The following GPC6 variants were observed in gnomAD, a reference collection of about 807,000 sequenced individuals.
GPC6 encodes glypican-6.
In GPC6, 14 loss-of-function variants were observed where a neutral mutation model predicts 55.2. That is an observed-to-expected ratio of 0.25 (90% CI 0.17 to 0.40). The LOEUF (loss-of-function observed/expected upper bound fraction) is 0.40, where lower values mean the gene tolerates loss of function less well. Ranked by LOEUF, GPC6 falls within the 10% of genes least tolerant of loss-of-function variation. The probability of loss-of-function intolerance (pLI) is 1.00; values close to 1 mark genes in which losing one functional copy is unlikely to be tolerated. For missense variants in GPC6, 641 were observed against 708.5 expected (o/e 0.90, Z 1.08); for synonymous variants, 278 against 259.6 (o/e 1.07, Z -0.68).
intron 6 of GPC6, among the ~76,000 whole-genome samples, chr13:94,370,829 C>T (rs1008261472): frequency 1.3e-5 from 2 of 152,090 alleles, no homozygotes; most frequent in Non-Finnish European, 2.9e-5. Flanking sequence ...TTCAGTACCT[C>T]ATGAAATTTA....
chr13:93,622,135 T>C (rs1878981774), intron 2 of GPC6, among the ~76,000 whole-genome samples: 1 of 152,180 alleles, frequency 6.6e-6, no homozygotes, highest in African/African-American at 2.4e-5. Flanking sequence ...AGCTACACTC[T>C]TATATAAACC....
chr13:93,510,365 C>T (rs924152880), intron 1 of GPC6, among the ~76,000 whole-genome samples: 4 of 152,018 alleles, frequency 2.6e-5, no homozygotes, highest in Non-Finnish European at 5.9e-5. Flanking sequence ...CCACTCTCTA[C>T]CTCCATGTGA....
chr13:93,522,729 G>A (rs752791215), intron 1 of GPC6, among the ~76,000 whole-genome samples: 3 of 151,830 alleles, frequency 2.0e-5, no homozygotes, highest in East Asian at 1.9e-4. Flanking sequence ...ATTCCTTCCC[G>A]CTGCTCTGCA....
intron 4 of GPC6, among the ~76,000 whole-genome samples, chr13:94,135,431 T>A (rs1887152060): frequency 6.6e-6 from 1 of 152,196 alleles, no homozygotes; most frequent in Non-Finnish European, 1.5e-5. Context: ...CTTGCTTGTG[T>A]TATCTTAATT....
At chr13:93,267,361 G>C (rs1289396316) in intron 1 of GPC6, among the ~76,000 whole-genome samples, 1 of 151,074 alleles carries the variant, frequency 6.6e-6, no homozygotes, top group Non-Finnish European at 1.5e-5. Context: ...TGATCTCTTG[G>C]ATCACTCATT....
At chr13:93,935,257 C>T (rs537734995) in intron 3 of GPC6, among the ~76,000 whole-genome samples, 34 of 152,214 alleles carry the variant, frequency 2.2e-4, no homozygotes, top group African/African-American at 7.7e-4. Flanking sequence ...CAACCCTTGG[C>T]CCCCTCCCAT....
chr13:93,370,690 A>G (rs1881415762), intron 1 of GPC6, among the ~76,000 whole-genome samples: 1 of 152,166 alleles, frequency 6.6e-6, no homozygotes, highest in Non-Finnish European at 1.5e-5. Flanking sequence ...CCTGCCACAT[A>G]CAGCAGGCAA....
At chr13:93,359,771 G>C (rs751152345) in intron 1 of GPC6, among the ~76,000 whole-genome samples, 30 of 152,038 alleles carry the variant, frequency 2.0e-4, no homozygotes, top group Non-Finnish European at 3.4e-4. Flanking sequence ...AGGAAGGCAA[G>C]GTAAGTCTGC....
chr13:93,672,639 G>T (rs962732936), intron 2 of GPC6, among the ~76,000 whole-genome samples: 5 of 140,138 alleles, frequency 3.6e-5, no homozygotes, highest in African/African-American at 1.0e-4. Flanking sequence ...CTCAGTGTCT[G>T]ATATATATAT....
intron 1 of GPC6, among the ~76,000 whole-genome samples, chr13:93,277,088 C>A (rs942200251): frequency 6.6e-6 from 1 of 152,104 alleles, no homozygotes; most frequent in Admixed American, 6.5e-5. Context: ...AAAATTGTCT[C>A]CCTGTTACAT....
intron 2 of GPC6, among the ~76,000 whole-genome samples, chr13:93,654,569 C>A (rs894424259): frequency 1.3e-5 from 2 of 152,084 alleles, no homozygotes; most frequent in African/African-American, 2.4e-5. Context: ...CTCAGGTGAT[C>A]CACCCGCCTC....
rs185344471 is a variant in GPC6, at chr13:93,558,825, C to T, written c.319+13404C>T. 1.0e-3 allele frequency among the ~76,000 whole-genome samples: 156 copies of T among 152,148 alleles called. 1 individual carries two copies. The highest frequency in any genetic ancestry group is 3.5e-3 in the African/African-American group (145 of 41,512). ...TAATTGATGGCTGACAGCAGGCATG[C>T]GGTTTAGAGAGCAAAATATGCTCAA... is the stretch of plus-strand genomic sequence containing the variant. On this transcript the variant is annotated intron_variant, in intron 2 of 8. Coordinates refer to ENST00000377047, the MANE Select transcript of GPC6 (RefSeq NM_005708.5).
At chr13:93,368,673 G>T (rs1422438687) in intron 1 of GPC6, among the ~76,000 whole-genome samples, 1 of 152,052 alleles carries the variant, frequency 6.6e-6, no homozygotes, top group South Asian at 2.1e-4. Context: ...CAGGTTACTG[G>T]TAGTATACTT....
intron 6 of GPC6, among the ~76,000 whole-genome samples, chr13:94,378,228 A>G (rs1489315742): frequency 2.6e-5 from 4 of 152,046 alleles, no homozygotes; most frequent in African/African-American, 9.7e-5. Context: ...ATAATATCTC[A>G]TCACTGGATG....
chr13:94,271,382 G>GCGCGCGCGCACA (rs1491286473), intron 4 of GPC6, among the ~76,000 whole-genome samples: 6 of 126,684 alleles, frequency 4.7e-5, no homozygotes, highest in Non-Finnish European at 1.0e-4. Context: ...GCGCGCGCGC[G>GCGCGCGCGCACA]CACACACACA....
chr13:94,383,174 C>T (rs760260791), intron 7 of GPC6, among the ~76,000 whole-genome samples: 3 of 152,104 alleles, frequency 2.0e-5, no homozygotes, highest in African/African-American at 4.8e-5. Flanking sequence ...AGCCCAGAAA[C>T]GGGCTTGGCC....
chr13:94,373,273 G>A (rs1472202245), intron 6 of GPC6, among the ~76,000 whole-genome samples: 14 of 151,850 alleles, frequency 9.2e-5, no homozygotes, highest in Admixed American at 2.6e-4. Context: ...TCTGAGCTAC[G>A]GGAGGACATT....
chr13:94,393,359 C>A (rs964192956), intron 7 of GPC6, among the ~76,000 whole-genome samples: 1 of 152,014 alleles, frequency 6.6e-6, no homozygotes, highest in Non-Finnish European at 1.5e-5. Flanking sequence ...TTGTTTCAGA[C>A]GAGATGAAGT....
intron 1 of GPC6, among the ~76,000 whole-genome samples, chr13:93,317,871 C>T (rs1349517837): frequency 4.6e-5 from 7 of 152,030 alleles, no homozygotes; most frequent in East Asian, 1.9e-4. Context: ...AGCTCATCTG[C>T]GATTTCAGCA....
Sources: allele counts gnomAD v4.1 joint callset (sites outside exome capture counted in the v4.1 genomes callset), GRCh38; gene constraint gnomAD v4.1.1; transcripts MANE v1.5; gene names NCBI Gene and HGNC (gene_info 2026-07-23, HGNC 2026-07-21).